Variants in NTRK2 observed in about 807,000 individuals in gnomAD.
NTRK2 encodes BDNF/NT-3 growth factors receptor.
In NTRK2, 13 loss-of-function variants were observed where a neutral mutation model predicts 94.5. The observed-to-expected ratio is 0.14, with a 90% CI of 0.09 to 0.22. The LOEUF (loss-of-function observed/expected upper bound fraction) is 0.22, where lower values mean the gene tolerates loss of function less well. Ranked by LOEUF, NTRK2 falls within the 10% of genes least tolerant of loss-of-function variation. The probability of loss-of-function intolerance (pLI) is 1.00; values close to 1 mark genes in which losing one functional copy is unlikely to be tolerated. For synonymous variants in NTRK2, 372 were observed against 407.4 expected, an observed-to-expected ratio of 0.91 and a Z score of 1.05; for missense variants, 639 against 1,071.2, an observed-to-expected ratio of 0.60 and a Z score of 5.63.
At chr9:84,941,387 T>G (rs1367648255) in intron 15 of NTRK2, among the ~76,000 whole-genome samples, 1 of 152,248 alleles carries the variant, frequency 6.6e-6, no homozygotes, top group Admixed American at 6.5e-5. Context: ...TTTTTTGAAT[T>G]GTTAATCACT....
chr9:84,779,592 T>C (rs2067366497), intron 12 of NTRK2, among the ~76,000 whole-genome samples: 1 of 152,230 alleles, frequency 6.6e-6, no homozygotes, highest in South Asian at 2.1e-4. Context: ...GGCAGAATTC[T>C]CTGAGGAGGG....
At chr9:84,939,538 GGATGGGA>G (rs1365653407) in intron 15 of NTRK2, among the ~76,000 whole-genome samples, 1 of 152,148 alleles carries the variant, frequency 6.6e-6, no homozygotes, top group Non-Finnish European at 1.5e-5. Flanking sequence ...TTATATGGAA[GGATGGGA>G]GACATGTTCA....
intron 9 of NTRK2, among the ~76,000 whole-genome samples, chr9:84,738,793 T>A (rs2063431113): frequency 6.6e-6 from 1 of 152,200 alleles, no homozygotes; most frequent in East Asian, 1.9e-4. Context: ...TAAAAGCAAC[T>A]CTGTTATAGT....
intron 17 of NTRK2, among the ~76,000 whole-genome samples, chr9:85,005,027 G>A (rs768976836): frequency 9.2e-5 from 14 of 152,156 alleles, no homozygotes; most frequent in Non-Finnish European, 1.3e-4. Context: ...TCCCTCTGCT[G>A]CTGTTTTCTC....
chr9:84,792,871 A>T (rs1329005185), intron 12 of NTRK2, among the ~76,000 whole-genome samples: 8 of 152,198 alleles, frequency 5.3e-5, no homozygotes, highest in African/African-American at 1.9e-4. Context: ...CACACTATAA[A>T]ATAGATATTA....
chr9:84,811,718 G>T, intron 12 of NTRK2: 1 of 1,065,692 alleles, frequency 9.4e-7, no homozygotes, highest in South Asian at 4.6e-5. Flanking sequence ...GGTCGCTAAT[G>T]AATATATGCT....
At chr9:84,822,363 C>T (rs771883271) in intron 12 of NTRK2, among the ~76,000 whole-genome samples, 6 of 152,026 alleles carry the variant, frequency 3.9e-5, no homozygotes, top group Non-Finnish European at 7.4e-5. Flanking sequence ...TTTTTCCTTT[C>T]GATTCATGGG....
chr9:84,884,030 T>C (rs533415063), intron 14 of NTRK2, among the ~76,000 whole-genome samples: 11 of 152,360 alleles, frequency 7.2e-5, no homozygotes, highest in African/African-American at 2.6e-4. Flanking sequence ...TGGAATTTCA[T>C]TTTATGTGAT....
At chr9:84,998,484 A>G (rs1043002562) in intron 17 of NTRK2, among the ~76,000 whole-genome samples, 1 of 152,152 alleles carries the variant, frequency 6.6e-6, no homozygotes, top group African/African-American at 2.4e-5. Context: ...ATCAACAGCA[A>G]CTCAGGAGCT....
chr9:84,907,420 A>C (rs1376259262), intron 14 of NTRK2, among the ~76,000 whole-genome samples: 1 of 152,234 alleles, frequency 6.6e-6, no homozygotes, highest in African/African-American at 2.4e-5. Context: ...GTAAAAATGG[A>C]GAATCTTTGG....
At chr9:84,721,293 A>G (rs1021330155) in intron 6 of NTRK2, among the ~76,000 whole-genome samples, 2 of 151,630 alleles carry the variant, frequency 1.3e-5, no homozygotes, top group Admixed American at 6.6e-5. Context: ...CCCCTGCCTC[A>G]GCCTCCCAAG....
At position 84,819,709 on chromosome 9, in the gene NTRK2, C is replaced by G. The variant is rs145740530; in HGVS notation, c.1397-41331C>G. Among the ~76,000 whole-genome samples the G allele has an allele frequency of 8.7e-3, 1,331 of 152,326 alleles. 18 individuals are homozygous for G. Among genetic ancestry groups the G allele is most frequent in the East Asian group, 0.035 (183 of 5,178 alleles). On this transcript the variant is annotated intron_variant, in intron 12 of 18. Transcript: ENST00000277120. ...GCGCCAGCCTTAAACAGGCTCAGCC[C>G]TCCCTATCTGGAGTCCTGCAGAATG...
At chr9:84,780,044 GT>G (rs766257033) in intron 12 of NTRK2, among the ~76,000 whole-genome samples, 16 of 148,944 alleles carry the variant, frequency 1.1e-4, no homozygotes, top group South Asian at 2.1e-4. Flanking sequence ...GGACTCTGCG[GT>G]TTTTTTTTTC....
At chr9:84,923,075 C>A (rs1171403263) in intron 14 of NTRK2, among the ~76,000 whole-genome samples, 1 of 152,164 alleles carries the variant, frequency 6.6e-6, no homozygotes, top group Non-Finnish European at 1.5e-5. Flanking sequence ...GGCCATGTAT[C>A]AGTGGTTGTG....
At chr9:84,900,845 C>T (rs895045030) in intron 14 of NTRK2, among the ~76,000 whole-genome samples, 2 of 152,128 alleles carry the variant, frequency 1.3e-5, no homozygotes, top group East Asian at 3.8e-4. Context: ...AAAAAGTTTT[C>T]AACAGCTAAA....
chr9:84,695,049 C>T (rs1458892721), intron 2 of NTRK2, among the ~76,000 whole-genome samples: 14 of 92,004 alleles, frequency 1.5e-4, no homozygotes, highest in South Asian at 1.4e-3. Context: ...AGTGAGACTC[C>T]GTCTCAAAAA....
chr9:84,821,285 CGAGA>C (rs145312218), intron 12 of NTRK2, among the ~76,000 whole-genome samples: 1 of 149,756 alleles, frequency 6.7e-6, no homozygotes, highest in African/African-American at 2.5e-5. Flanking sequence ...TGTGTGTGTG[CGAGA>C]GAGAGAGAGC....
chr9:84,924,287 G>C (rs959335966), intron 14 of NTRK2, among the ~76,000 whole-genome samples: 4 of 144,944 alleles, frequency 2.8e-5, no homozygotes, highest in Non-Finnish European at 6.1e-5. Context: ...AAGAAAGAAA[G>C]AAAGAAAGAG....
intron 12 of NTRK2, among the ~76,000 whole-genome samples, chr9:84,798,166 AT>A (rs2069858282): frequency 6.6e-6 from 1 of 151,752 alleles, no homozygotes; most frequent in Non-Finnish European, 1.5e-5. Flanking sequence ...GCACCTTCTC[AT>A]TGTGTCTTCA....
Sources: gnomAD v4.1 joint callset for allele counts (sites outside exome capture counted in the v4.1 genomes callset) on GRCh38, gnomAD v4.1.1 for gene constraint, MANE v1.5 for transcripts, NCBI Gene and HGNC (gene_info 2026-07-23, HGNC 2026-07-21) for gene names.